Variants in RNF13 observed in about 807,000 individuals in gnomAD.
RNF13 encodes ring finger protein 13.
In RNF13, 19 loss-of-function variants were observed where a neutral mutation model predicts 37.7. The ratio of observed to expected loss-of-function variants is 0.50; its 90% CI spans 0.35 to 0.74. The LOEUF (loss-of-function observed/expected upper bound fraction) is 0.74. RNF13 is among the 30% of genes least tolerant of loss of function. RNF13 has a pLI of 0.01. For missense variants in RNF13, 375 were observed against 453.0 expected, an observed-to-expected ratio of 0.83 and a Z score of 1.56; for synonymous variants, 144 against 157.8, an observed-to-expected ratio of 0.91 and a Z score of 0.65.
chr3:149,845,386 G>A (rs920080977), intron 1 of RNF13, among the ~76,000 whole-genome samples: 2 of 152,148 alleles, frequency 1.3e-5, no homozygotes, highest in Non-Finnish European at 2.9e-5. Flanking sequence ...TGCTAAAAGA[G>A]AGAAAGGGAC....
chr3:149,936,615 T>C (rs1719709776), intron 8 of RNF13, among the ~76,000 whole-genome samples: 1 of 152,086 alleles, frequency 6.6e-6, no homozygotes, highest in Non-Finnish European at 1.5e-5. Flanking sequence ...GTTTCTAAAG[T>C]GTTTTACTCT....
At chr3:149,892,860 A>G (rs1714856946) in intron 4 of RNF13, among the ~76,000 whole-genome samples, 1 of 152,168 alleles carries the variant, frequency 6.6e-6, no homozygotes, top group African/African-American at 2.4e-5. Context: ...TAAGTATAAG[A>G]CACTATATAA....
At chr3:149,948,393 T>A (rs1248108980) in intron 8 of RNF13, among the ~76,000 whole-genome samples, 1 of 152,232 alleles carries the variant, frequency 6.6e-6, no homozygotes, top group African/African-American at 2.4e-5. Context: ...CTATTACTTT[T>A]GTTCATTGTT....
chr3:149,824,666 C>CTT, intron 1 of RNF13, among the ~76,000 whole-genome samples: 1 of 139,372 alleles, frequency 7.2e-6, no homozygotes. Context: ...TCCTTTGGGG[C>CTT]TTTTTTTTTT....
intron 6 of RNF13, among the ~76,000 whole-genome samples, chr3:149,905,801 A>G (rs1236790111): frequency 2.0e-5 from 3 of 152,048 alleles, no homozygotes; most frequent in Admixed American, 1.3e-4. Context: ...GTCCTTCCCA[A>G]TGAAATTTTT....
At chr3:149,895,942 C>T (rs1011276175) in intron 5 of RNF13, among the ~76,000 whole-genome samples, 1 of 152,152 alleles carries the variant, frequency 6.6e-6, no homozygotes, top group Non-Finnish European at 1.5e-5. Context: ...TGCTGGAGTT[C>T]CAAAGCCACA....
intron 7 of RNF13, among the ~76,000 whole-genome samples, chr3:149,916,377 A>C (rs542504761): frequency 1.3e-5 from 2 of 152,306 alleles, no homozygotes; most frequent in East Asian, 1.9e-4. Context: ...TGTTGTCAGA[A>C]ATTATTGCCT....
chr3:149,890,792 T>C (rs912832691), intron 4 of RNF13, among the ~76,000 whole-genome samples: 1 of 152,184 alleles, frequency 6.6e-6, no homozygotes, highest in Non-Finnish European at 1.5e-5. Context: ...TGAAAAAATA[T>C]CCCCACCTTT....
intron 8 of RNF13, chr3:149,939,280 C>T (rs765273401): frequency 3.4e-5 from 16 of 471,650 alleles, no homozygotes; most frequent in Non-Finnish European, 6.1e-5. Flanking sequence ...TCCTCATCAT[C>T]AAAATCATCA....
intron 4 of RNF13, among the ~76,000 whole-genome samples, chr3:149,877,472 C>CTTTTTTTTTTTTTTTTTTTTTGTGT (rs369676407): frequency 3.0e-5 from 3 of 101,488 alleles, no homozygotes; most frequent in Non-Finnish European, 4.1e-5. Flanking sequence ...TTCTTTCTGT[C>CTTTTTTTTTTTTTTTTTTTTTGTGT]TTTTTTTTTT....
intron 4 of RNF13, among the ~76,000 whole-genome samples, chr3:149,878,536 T>A (rs2108455263): frequency 6.6e-6 from 1 of 152,296 alleles, no homozygotes; most frequent in South Asian, 2.1e-4. Flanking sequence ...CAATAATTGA[T>A]TATTCGATAC....
chr3:149,813,019 C>G (rs1339915441), upstream of RNF13: 1 of 152,472 alleles, frequency 6.6e-6, no homozygotes, highest in African/African-American at 2.4e-5. Flanking sequence ...CCCTGCTCTT[C>G]CCTTCCAGGG....
At chr3:149,938,400 G>A (rs186740750) in intron 8 of RNF13, among the ~76,000 whole-genome samples, 5 of 151,468 alleles carry the variant, frequency 3.3e-5, no homozygotes, top group South Asian at 2.1e-4. Flanking sequence ...GGCTGGTCTC[G>A]AACTCCTGAC....
intron 1 of RNF13, among the ~76,000 whole-genome samples, chr3:149,825,120 G>A (rs1720365953): frequency 6.6e-6 from 1 of 151,396 alleles, no homozygotes; most frequent in Non-Finnish European, 1.5e-5. Context: ...CACCACACCT[G>A]GCTAATTTTT....
chr3:149,833,280 C>T (rs1272963923), intron 1 of RNF13, among the ~76,000 whole-genome samples: 1 of 152,032 alleles, frequency 6.6e-6, no homozygotes, highest in Non-Finnish European at 1.5e-5. Context: ...TCACCACACC[C>T]AGCTAATTTT....
chr3:149,932,887 C>A (rs930681375), intron 8 of RNF13, among the ~76,000 whole-genome samples: 1 of 152,256 alleles, frequency 6.6e-6, no homozygotes, highest in African/African-American at 2.4e-5. Context: ...TCCAACCTTA[C>A]ATTTCCCCTC....
intron 7 of RNF13, among the ~76,000 whole-genome samples, chr3:149,912,319 G>A (rs1310122794): frequency 2.0e-5 from 3 of 152,130 alleles, no homozygotes; most frequent in African/African-American, 4.8e-5. Context: ...AAGAGTATAA[G>A]GGAACTTTTG....
intron 6 of RNF13, among the ~76,000 whole-genome samples, chr3:149,903,034 A>G (rs187023382): frequency 1.4e-4 from 21 of 152,240 alleles, no homozygotes; most frequent in African/African-American, 4.8e-4. Context: ...TTAGGGGGAA[A>G]AGAAATCCAC....
At chr3:149,949,983 G>A (rs116831380) in intron 8 of RNF13, among the ~76,000 whole-genome samples, 1,965 of 151,198 alleles carry the variant, frequency 0.013, 33 homozygotes, top group African/African-American at 0.044. Flanking sequence ...CATTTTTTCC[G>A]TCTTTTTTCT....
Sources: gnomAD v4.1 joint callset for allele counts (sites outside exome capture counted in the v4.1 genomes callset) on GRCh38, gnomAD v4.1.1 for gene constraint, MANE v1.5 for transcripts, NCBI Gene and HGNC (gene_info 2026-07-23, HGNC 2026-07-21) for gene names.